The following GALNT18 variants were observed in gnomAD, a reference collection of about 807,000 sequenced individuals.
GALNT18 encodes the protein polypeptide N-acetylgalactosaminyltransferase 18, also known as GalNAc-transferase 18.
Under a neutral mutation model 69.5 loss-of-function variants are expected in GALNT18, and 44 were observed. That is an observed-to-expected ratio of 0.63 (90% CI 0.50 to 0.81). GALNT18 has a LOEUF of 0.81. GALNT18 is among the 40% of genes least tolerant of loss of function. The pLI, the probability that GALNT18 is intolerant of heterozygous loss-of-function variation, is 0.00. For synonymous variants in GALNT18, 364 were observed against 318.2 expected, an observed-to-expected ratio of 1.14 and a Z score of -1.53; for missense variants, 715 against 810.0, an observed-to-expected ratio of 0.88 and a Z score of 1.42.
intron 6 of GALNT18, among the ~76,000 whole-genome samples, chr11:11,366,621 G>C (rs1850776043): frequency 6.6e-6 from 1 of 152,172 alleles, no homozygotes; most frequent in Non-Finnish European, 1.5e-5. Flanking sequence ...GCAATAAATA[G>C]GATAATTGTA....
Position 11,396,026 on chromosome 11 carries a change from C to T in GALNT18, c.596-16762G>A, listed in dbSNP as rs1321342410. On this transcript the variant is annotated intron_variant, in intron 3 of 10. Coordinates refer to ENST00000227756, the MANE Select transcript of GALNT18 (RefSeq NM_198516.3). The surrounding 1 kb of genome is among the most constrained non-coding windows in gnomAD (Gnocchi z 5.2). ...GGGACACAGCCAGGTGGGAGAGGTG[C>T]CATTTTCCTGGGGTACAGCTGAGCC... is the stretch of plus-strand genomic sequence containing the variant. Among the ~76,000 whole-genome samples the T allele has an allele frequency of 6.6e-6, 1 of 152,140 alleles. No homozygotes were observed. Among genetic ancestry groups the T allele is most frequent in the Non-Finnish European group, 1.5e-5 (1 of 68,034 alleles).
intron 1 of GALNT18, among the ~76,000 whole-genome samples, chr11:11,549,501 CA>C (rs1428951326): frequency 6.6e-6 from 1 of 152,216 alleles, no homozygotes; most frequent in Non-Finnish European, 1.5e-5. Flanking sequence ...GGGCTTCTTC[CA>C]TCCAAATGGA....
intron 1 of GALNT18, among the ~76,000 whole-genome samples, chr11:11,466,561 A>C (rs1049587483): frequency 6.6e-6 from 1 of 152,200 alleles, no homozygotes; most frequent in African/African-American, 2.4e-5. Flanking sequence ...GGGTGAGGGG[A>C]GTCTGAGACC....
chr11:11,473,350 T>C (rs1856315589), intron 1 of GALNT18, among the ~76,000 whole-genome samples: 1 of 152,234 alleles, frequency 6.6e-6, no homozygotes, highest in South Asian at 2.1e-4. Flanking sequence ...ATACAACTTA[T>C]TTTATAAATA....
At position 11,372,422 on chromosome 11, in the gene GALNT18, G is replaced by A; in HGVS notation, c.1092+93C>T. On this transcript the variant is annotated intron_variant, in intron 6 of 10. Transcript: ENST00000227756. The surrounding 1 kb of genome is among the most constrained non-coding windows in gnomAD (Gnocchi z 4.9). The stretch of plus-strand genomic sequence containing the variant: ...GACTGGACATTCAGAATCAGTCTGT[G>A]ACCCTCAACCTTAAACCCCATTTCT... 1 of 922,550 alleles carries A rather than the reference G, an allele frequency of 1.1e-6. No individual in the cohort carries two copies. Among genetic ancestry groups the A allele is most frequent in the South Asian group, 1.5e-5 (1 of 68,464 alleles). The allele number at this position is 922,550 out of a possible 1,614,324, so 57.1% of individuals were successfully genotyped here.
intron 1 of GALNT18, among the ~76,000 whole-genome samples, chr11:11,464,440 G>T (rs898577343): frequency 6.6e-6 from 1 of 152,144 alleles, no homozygotes; most frequent in East Asian, 1.9e-4. Flanking sequence ...TGCACAGCCT[G>T]TCTTGGTCCC....
chr11:11,314,533 G>A lies in GALNT18; in HGVS notation c.1512+12553C>T, dbSNP rs2133033100. ...CTGCCTGCTCCCCTGACCCTGAGCT[G>A]ATGTGTCCAGGCAGGAGATGGCTGG... On this transcript the variant is annotated intron_variant, in intron 9 of 10. Transcript: ENST00000227756. The surrounding 1 kb of genome is among the most constrained non-coding windows in gnomAD (Gnocchi z 5.2). 6.6e-6 allele frequency among the ~76,000 whole-genome samples: 1 copy of A among 152,246 alleles called. No homozygotes were observed. The highest frequency in any genetic ancestry group is 1.9e-4 in the East Asian group (1 of 5,166).
chr11:11,594,981 A>ATGTGTGTG (rs75359341), intron 1 of GALNT18, among the ~76,000 whole-genome samples: 1 of 147,144 alleles, frequency 6.8e-6, no homozygotes, highest in Non-Finnish European at 1.5e-5. Context: ...AAATATACAT[A>ATGTGTGTG]TGTGTGTGTG....
At position 11,604,035 on chromosome 11, in the gene GALNT18, A is replaced by G. The variant is rs1235026501; in HGVS notation, c.235+17324T>C. Reference sequence around the variant, plus strand: ...CTCAGAAAGCTGTTTTGTCTATTCTACCATGTGAAACACAAAGGTGCCATC... The same window carrying G: ...CTCAGAAAGCTGTTTTGTCTATTCTGCCATGTGAAACACAAAGGTGCCATC... On this transcript the variant is annotated intron_variant, in intron 1 of 10. Transcript: ENST00000227756. The surrounding 1 kb of genome is among the most constrained non-coding windows in gnomAD (Gnocchi z 5.6). 6.6e-6 allele frequency among the ~76,000 whole-genome samples: 1 copy of G among 152,144 alleles called. No homozygotes were observed. The highest frequency in any genetic ancestry group is 2.4e-5 in the African/African-American group (1 of 41,440).
Position 11,621,817 on chromosome 11 carries a change from G to A in GALNT18, c.-224C>T, listed in dbSNP as rs928416076. The A allele has an allele frequency of 1.8e-6, 1 of 571,132 alleles. No individual in the cohort carries two copies. Among genetic ancestry groups the A allele is most frequent in the African/African-American group, 1.9e-5 (1 of 53,082 alleles). The allele number at this position is 571,132 out of a possible 1,614,324, so 35.4% of individuals were successfully genotyped here. A position where few individuals can be genotyped will look rare whatever the true frequency, so the allele number is the denominator to read the frequency against. ...GAGAGACCTTGACAAAGGAAACCAGGTGGATTTTTTTCCAAATTAAAAATC... is the reference window on the plus strand; with the variant it reads ...GAGAGACCTTGACAAAGGAAACCAGATGGATTTTTTTCCAAATTAAAAATC... On this transcript the variant is annotated 5_prime_UTR_variant, in exon 1 of 11. Coordinates refer to ENST00000227756, the MANE Select transcript of GALNT18 (RefSeq NM_198516.3). The surrounding 1 kb of genome is among the most constrained non-coding windows in gnomAD (Gnocchi z 9.3).
rs1177022746 is a variant in GALNT18, at chr11:11,461,605, C to T, written c.236-12669G>A. Among the ~76,000 whole-genome samples, 1 of 152,230 alleles carries T rather than the reference C, an allele frequency of 6.6e-6. No homozygotes were observed. The highest frequency in any genetic ancestry group is 1.5e-5 in the Non-Finnish European group (1 of 68,044). The stretch of plus-strand genomic sequence containing the variant: ...GAGCTGACAGCCCGGAGCTGACACC[C>T]GGACTTCTAAATATACACTACACTG... On this transcript the variant is annotated intron_variant, in intron 1 of 10. Transcript: ENST00000227756. This position sits in a 1 kb window ranked among gnomAD's most constrained non-coding sequence, Gnocchi z 4.1.
At chr11:11,475,230 C>G (rs185548377) in intron 1 of GALNT18, 145 of 152,264 alleles carry the variant, frequency 9.5e-4, no homozygotes, top group African/African-American at 3.3e-3. Flanking sequence ...TCCATGCTTT[C>G]TACCTGCACA....
At chr11:11,304,303 C>A (rs1471093551) in intron 9 of GALNT18, among the ~76,000 whole-genome samples, 1 of 152,142 alleles carries the variant, frequency 6.6e-6, no homozygotes, top group Non-Finnish European at 1.5e-5. Context: ...TTAAGCTACC[C>A]AAATTTGTTT....
intron 3 of GALNT18, among the ~76,000 whole-genome samples, chr11:11,420,993 T>C (rs772153081): frequency 6.6e-6 from 1 of 151,970 alleles, no homozygotes; most frequent in Non-Finnish European, 1.5e-5. Context: ...TAAAGCAAAA[T>C]GGTACAGAGC....
chr11:11,449,553 C>T lies in GALNT18; in HGVS notation c.236-617G>A, dbSNP rs527641130. Reference sequence around the variant, plus strand: ...CATGACACAGGTGACAGCCAAGCCACACCCAGCCTGCCCTGCGCTCTGGGC... The same window carrying T: ...CATGACACAGGTGACAGCCAAGCCATACCCAGCCTGCCCTGCGCTCTGGGC... On this transcript the variant is annotated intron_variant, in intron 1 of 10. Coordinates refer to ENST00000227756, the MANE Select transcript of GALNT18 (RefSeq NM_198516.3). Among the ~76,000 whole-genome samples, 11 of 152,372 alleles carry T rather than the reference C, an allele frequency of 7.2e-5. 1 individual carries two copies. The East Asian group carries it at 1.5e-3, about 21-fold the overall frequency.
chr11:11,355,047 G>C (rs763451415), intron 6 of GALNT18, among the ~76,000 whole-genome samples: 18 of 152,122 alleles, frequency 1.2e-4, no homozygotes, highest in Non-Finnish European at 2.6e-4. Flanking sequence ...TATTATTTTT[G>C]TGTGGGCATC....
intron 1 of GALNT18, among the ~76,000 whole-genome samples, chr11:11,450,152 T>C (rs1411905125): frequency 6.6e-6 from 1 of 152,124 alleles, no homozygotes; most frequent in South Asian, 2.1e-4. Flanking sequence ...GCCAGGAGCC[T>C]GGAATGAGAC....
At chr11:11,304,069 C>G (rs1849538834) in intron 9 of GALNT18, among the ~76,000 whole-genome samples, 1 of 152,164 alleles carries the variant, frequency 6.6e-6, no homozygotes, top group South Asian at 2.1e-4. Flanking sequence ...GCCAAGTAGA[C>G]TTCTCCCAGG....
rs1259478831 is a variant in GALNT18, at chr11:11,523,655, G to C, written c.236-74719C>G. Reference sequence around the variant, plus strand: ...AATGGTGAGAACCCGGGAGGAAGAGGTTGCAGTGAGCCGAGATCGCACCAC... The same window carrying C: ...AATGGTGAGAACCCGGGAGGAAGAGCTTGCAGTGAGCCGAGATCGCACCAC... On this transcript the variant is annotated intron_variant, in intron 1 of 10. Coordinates refer to ENST00000227756, the MANE Select transcript of GALNT18 (RefSeq NM_198516.3). The surrounding 1 kb of genome is among the most constrained non-coding windows in gnomAD (Gnocchi z 4.3). Among the ~76,000 whole-genome samples the C allele has an allele frequency of 6.6e-6, 1 of 151,392 alleles. No individual in the cohort carries two copies. The highest frequency in any genetic ancestry group is 2.4e-5 in the African/African-American group (1 of 41,112).
Sources: gnomAD v4.1 joint callset for allele counts (sites outside exome capture counted in the v4.1 genomes callset) on GRCh38, gnomAD v4.1.1 for gene constraint, Gnocchi (gnomAD v3.1) non-coding constraint, MANE v1.5 for transcripts, NCBI Gene and HGNC (gene_info 2026-07-23, HGNC 2026-07-21) for gene names.